The following TCERG1L variants were observed in gnomAD, a reference collection of about 807,000 sequenced individuals.
The protein encoded by TCERG1L is transcription elongation regulator 1 like.
Under a neutral mutation model 56.3 loss-of-function variants are expected in TCERG1L, and 37 were observed. That is an observed-to-expected ratio of 0.66 (90% CI 0.51 to 0.87). TCERG1L has a LOEUF of 0.87. Ranked by LOEUF, TCERG1L falls within the 40% of genes least tolerant of loss-of-function variation. TCERG1L has a pLI of 0.00. For synonymous variants in TCERG1L, 324 were observed against 326.3 expected (o/e 0.99, Z 0.08); for missense variants, 799 against 774.2 (o/e 1.03, Z -0.38).
At chr10:131,200,795 C>A (rs1044783002) in intron 4 of TCERG1L, among the ~76,000 whole-genome samples, 1 of 152,110 alleles carries the variant, frequency 6.6e-6, no homozygotes, top group Admixed American at 6.5e-5. Flanking sequence ...TGAATATGTC[C>A]CCTCTAAAAT....
chr10:131,107,856 T>C (rs1227736927), intron 9 of TCERG1L, among the ~76,000 whole-genome samples: 3 of 151,390 alleles, frequency 2.0e-5, no homozygotes, highest in Non-Finnish European at 2.9e-5. Flanking sequence ...AAGATATACA[T>C]ACGCAGGCAC....
At chr10:131,140,116 C>T (rs1845719044) in intron 7 of TCERG1L, among the ~76,000 whole-genome samples, 1 of 152,172 alleles carries the variant, frequency 6.6e-6, no homozygotes, top group South Asian at 2.1e-4. Context: ...AGATGGGATC[C>T]TAGGCACGCC....
chr10:131,256,621 C>T (rs1370410225), intron 4 of TCERG1L, among the ~76,000 whole-genome samples: 2 of 152,132 alleles, frequency 1.3e-5, no homozygotes, highest in African/African-American at 4.8e-5. Context: ...CACAGTGACT[C>T]ACGCCTCTAA....
Position 131,311,405 on chromosome 10 carries a change from G to A in TCERG1L, c.231C>T (p.Leu77=), listed in dbSNP as rs1462834709. ...GCTCGCTCGGGGCCGGCCAGCCGGG[G>A]AGACCGGGGAGCAGCGGGGCCGCGG... ...PPPAAPLLPG[L]PGWPAPSEPV... is the part of the protein sequence containing the mutation. The change falls in exon 1 of 12, where the codon CTC becomes CTT. Residue 77 remains leucine, a synonymous_variant. Transcript: ENST00000368642. This position sits in a 1 kb window ranked among gnomAD's most constrained non-coding sequence, Gnocchi z 4.0. 9 of 1,183,426 alleles carry A rather than the reference G, an allele frequency of 7.6e-6. No homozygotes were observed. Among genetic ancestry groups the A allele is most frequent in the Non-Finnish European group, 8.3e-6 (8 of 958,222 alleles). 73.3% of individuals were successfully genotyped at this position (1,183,426 alleles called of 1,614,324 possible). A position where few individuals can be genotyped will look rare whatever the true frequency, so the allele number is the denominator to read the frequency against.
In TCERG1L at chr10:131,118,441, G is replaced by T. The variant is rs1233948682; in HGVS notation, c.1260-1507C>A. Reference sequence around the variant, plus strand: ...CAAGCTCCACTGAACTTCTCAGTAGGCCTAGGATTCTGAACTTCATGCTCA... The same window carrying T: ...CAAGCTCCACTGAACTTCTCAGTAGTCCTAGGATTCTGAACTTCATGCTCA... On this transcript the variant is annotated intron_variant, in intron 8 of 11. Transcript: ENST00000368642. This position sits in a 1 kb window ranked among gnomAD's most constrained non-coding sequence, Gnocchi z 4.2. Among the ~76,000 whole-genome samples the T allele has an allele frequency of 6.6e-6, 1 of 152,150 alleles. No homozygotes were observed. The highest frequency in any genetic ancestry group is 2.4e-5 in the African/African-American group (1 of 41,442).
chr10:131,186,623 T>C (rs747779570), intron 4 of TCERG1L, among the ~76,000 whole-genome samples: 11 of 152,160 alleles, frequency 7.2e-5, no homozygotes, highest in African/African-American at 9.7e-5. Flanking sequence ...CTGATTCTCC[T>C]GCAAAGGATG....
intron 9 of TCERG1L, among the ~76,000 whole-genome samples, chr10:131,105,020 C>T (rs559516294): frequency 4.3e-4 from 66 of 152,338 alleles, no homozygotes; most frequent in African/African-American, 1.5e-3. Flanking sequence ...GACCTCATCA[C>T]ATTTCGCTGC....
chr10:131,099,263 GA>G (rs1374876894), intron 10 of TCERG1L, among the ~76,000 whole-genome samples: 9 of 152,250 alleles, frequency 5.9e-5, no homozygotes, highest in Non-Finnish European at 1.5e-5. Context: ...CCCGCATAAC[GA>G]GATGCAATCT....
At position 131,311,332 on chromosome 10, in the gene TCERG1L, C is replaced by A. The variant is rs1376669879; in HGVS notation, c.304G>T (p.Ala102Ser). The A allele has an allele frequency of 8.3e-7, 1 of 1,206,538 alleles. No individual in the cohort carries two copies. Among genetic ancestry groups the A allele is most frequent in the Non-Finnish European group, 1.0e-6 (1 of 972,632 alleles). 74.7% of individuals were successfully genotyped at this position (1,206,538 alleles called of 1,614,324 possible). Reference sequence around the variant, plus strand: ...GCGGGGAAGGGGTGCGCGGCGGCGGCGGCGGCGGAGTCTGGCGCAGAGGGC... The same window carrying A: ...GCGGGGAAGGGGTGCGCGGCGGCGGAGGCGGCGGAGTCTGGCGCAGAGGGC... ...PLPSAPDSAA[A>S]AAAHPFPALH... The change falls in exon 1 of 12, where the codon GCC (alanine) becomes TCC (serine). Residue 102 changes from alanine (A) to serine (S), a missense_variant. Coordinates refer to ENST00000368642, the MANE Select transcript of TCERG1L (RefSeq NM_174937.4). This position sits in a 1 kb window ranked among gnomAD's most constrained non-coding sequence, Gnocchi z 4.0.
chr10:131,135,370 G>A (rs10765040), intron 7 of TCERG1L, among the ~76,000 whole-genome samples: 38,796 of 151,908 alleles, frequency 0.26, 5,444 homozygotes, highest in East Asian at 0.33. Flanking sequence ...GAGGGTCTGC[G>A]ATGAAAACAG....
rs763064388 is a variant in TCERG1L at position 131,250,822 on chromosome 10, G to A, written c.856+9437C>T. On this transcript the variant is annotated intron_variant, in intron 4 of 11. Coordinates refer to ENST00000368642, the MANE Select transcript of TCERG1L (RefSeq NM_174937.4). ...ACACTGACTAAACTTTCAGCTGCCC[G>A]CAGAGCATTTGACACATGGGGTCTC... 5.9e-5 allele frequency among the ~76,000 whole-genome samples: 9 copies of A among 152,140 alleles called. 1 individual carries two copies. The highest frequency in any genetic ancestry group is 1.2e-4 in the Non-Finnish European group (8 of 68,034).
At chr10:131,130,918 C>T (rs1034642170) in intron 8 of TCERG1L, among the ~76,000 whole-genome samples, 4 of 152,078 alleles carry the variant, frequency 2.6e-5, no homozygotes, top group African/African-American at 7.2e-5. Context: ...AACCCCCCGG[C>T]AAACCCTAAT....
chr10:131,174,807 A>C (rs1374389548), intron 4 of TCERG1L, among the ~76,000 whole-genome samples: 1 of 152,142 alleles, frequency 6.6e-6, no homozygotes, highest in Non-Finnish European at 1.5e-5. Context: ...AAGGGGTCTC[A>C]GTACCGAGAG....
intron 4 of TCERG1L, among the ~76,000 whole-genome samples, chr10:131,250,120 C>T (rs1250147843): frequency 1.3e-5 from 2 of 152,186 alleles, no homozygotes; most frequent in Non-Finnish European, 2.9e-5. Flanking sequence ...AAGCTGCATG[C>T]GGCGTGCACG....
At chr10:131,116,540 C>T (rs1564794772) in intron 9 of TCERG1L, among the ~76,000 whole-genome samples, 1 of 152,208 alleles carries the variant, frequency 6.6e-6, no homozygotes. Flanking sequence ...TGCCCCTCGG[C>T]CTCCACTCAC....
chr10:131,256,704 T>G (rs1846167224), intron 4 of TCERG1L, among the ~76,000 whole-genome samples: 2 of 151,606 alleles, frequency 1.3e-5, no homozygotes, highest in Admixed American at 6.6e-5. Context: ...GCCAACATGG[T>G]GAAACCCTGT....
chr10:131,256,992 G>GGAAGGAAGGAAGGAAAGGAA (rs1846173015), intron 4 of TCERG1L, among the ~76,000 whole-genome samples: 14 of 59,214 alleles, frequency 2.4e-4, no homozygotes, highest in Admixed American at 1.1e-3. Flanking sequence ...AAGGAAGGAA[G>GGAAGGAAGGAAGGAAAGGAA]GAAAGAAAGA....
intron 3 of TCERG1L, among the ~76,000 whole-genome samples, chr10:131,283,524 C>G (rs963811990): frequency 1.7e-4 from 26 of 152,042 alleles, no homozygotes; most frequent in African/African-American, 6.3e-4. Flanking sequence ...AACCACCATA[C>G]AGAGAGCCAA....
rs1206115338 is a variant in TCERG1L at position 131,103,830 on chromosome 10, G to T, written c.1485+435C>A. Among the ~76,000 whole-genome samples the T allele has an allele frequency of 2.6e-5, 4 of 152,074 alleles. No homozygotes were observed. Among genetic ancestry groups the T allele is most frequent in the African/African-American group, 9.7e-5 (4 of 41,384 alleles). ...TGGCCTTCCTCCATTCTATTTGTTA[G>T]GGGTTTCTTAACATTAGTGACTTCA... On this transcript the variant is annotated intron_variant, in intron 10 of 11. Coordinates refer to ENST00000368642, the MANE Select transcript of TCERG1L (RefSeq NM_174937.4). This position sits in a 1 kb window ranked among gnomAD's most constrained non-coding sequence, Gnocchi z 4.3.
Sources: allele counts gnomAD v4.1 joint callset (sites outside exome capture counted in the v4.1 genomes callset), GRCh38; gene constraint gnomAD v4.1.1; non-coding constraint Gnocchi (gnomAD v3.1); transcripts MANE v1.5; gene names NCBI Gene and HGNC (gene_info 2026-07-23, HGNC 2026-07-21).